The following C11orf21 variants were observed in gnomAD, a reference collection of about 807,000 sequenced individuals.
C11orf21 encodes the protein chromosome 11 open reading frame 21, also known as uncharacterized protein C11orf21.
A neutral mutation model predicts 15.2 loss-of-function variants in C11orf21; 19 were observed. The ratio of observed to expected loss-of-function variants is 1.25; its 90% CI spans 0.87 to 1.84. C11orf21 has a LOEUF of 1.84. Ranked by LOEUF, C11orf21 falls within the 40% of genes most tolerant of loss-of-function variation. The probability of loss-of-function intolerance (pLI) is 0.00; values close to 1 mark genes in which losing one functional copy is unlikely to be tolerated. For synonymous variants in C11orf21, 62 were observed against 66.8 expected, an observed-to-expected ratio of 0.93 and a Z score of 0.35; for missense variants, 171 against 174.4, an observed-to-expected ratio of 0.98 and a Z score of 0.11.
upstream of C11orf21, chr11:2,302,153 G>T (rs867708905): frequency 6.9e-7 from 1 of 1,450,938 alleles, no homozygotes; most frequent in Non-Finnish European, 9.1e-7. Flanking sequence ...AACCGTCATG[G>T]GGCCTTGGAG....
At chr11:2,298,144 C>T (rs144096070) in intron 3 of C11orf21, among the ~76,000 whole-genome samples, 9 of 152,300 alleles carry the variant, frequency 5.9e-5, no homozygotes, top group Non-Finnish European at 1.3e-4. Context: ...ACACTGAACC[C>T]GCCTCCTAAA....
Position 2,300,519 on chromosome 11 carries a change from C to G in C11orf21, c.147+1G>C, listed in dbSNP as rs1437135406. 6.5e-7 allele frequency: 1 copy of G among 1,546,318 alleles called. No homozygotes were observed. The highest frequency in any genetic ancestry group is 8.7e-7 in the Non-Finnish European group (1 of 1,144,978). On this transcript the variant is annotated splice_donor_variant, in intron 2 of 3. Coordinates refer to ENST00000381153, the MANE Select transcript of C11orf21 (RefSeq NM_001329958.2). LOFTEE classifies it high-confidence loss of function. ...CACAGTGAGGGGGGCTGTGGTCAGA[C>G]CTGGTCTCTGGAGGGCCAGCCGGGG...
chr11:2,302,166 G>C (rs148861275), upstream of C11orf21: 1 of 1,425,956 alleles, frequency 7.0e-7, no homozygotes. Flanking sequence ...CCTTGGAGTC[G>C]AGTCAGGGTT....
upstream of C11orf21, chr11:2,301,942 G>T: frequency 6.6e-7 from 1 of 1,513,176 alleles, no homozygotes; most frequent in Non-Finnish European, 8.8e-7. Flanking sequence ...TGAGGTGGTG[G>T]GGGGAGCCAA....
In C11orf21 at chr11:2,295,856, A is replaced by G. The variant is rs1447566408; in HGVS notation, c.*2094T>C. On this transcript the variant is annotated 3_prime_UTR_variant, in exon 4 of 4. Transcript: ENST00000381153. This position sits in a 1 kb window ranked among gnomAD's most constrained non-coding sequence, Gnocchi z 5.4. Reference sequence around the variant, plus strand: ...GAGAGATGCTATATGAGGACTCTCAAATATGCTCAATTTCTCTGTAAACAT... The same window carrying G: ...GAGAGATGCTATATGAGGACTCTCAGATATGCTCAATTTCTCTGTAAACAT... 1.3e-5 allele frequency: 2 copies of G among 152,132 alleles called. No individual in the cohort carries two copies. The highest frequency in any genetic ancestry group is 4.8e-5 in the African/African-American group (2 of 41,414). The allele number at this position is 152,132 out of a possible 1,614,324, so 9.4% of individuals were successfully genotyped here. A position where few individuals can be genotyped will look rare whatever the true frequency, so the allele number is the denominator to read the frequency against.
chr11:2,297,638 G>A lies in C11orf21; in HGVS notation c.*312C>T, dbSNP rs2074020. The A allele has an allele frequency of 0.44, 66,264 of 151,738 alleles. 15,074 individuals are homozygous for A. Among genetic ancestry groups the A allele is most frequent in the African/African-American group, 0.57 (23,340 of 41,276 alleles). 9.4% of individuals were successfully genotyped at this position (151,738 alleles called of 1,614,324 possible). A position where few individuals can be genotyped will look rare whatever the true frequency, so the allele number is the denominator to read the frequency against. ...CATATTTCACACGTTGCTGGGGGCAGTGTGTGTGACTCACTGCTTCCCAGA... is the reference window on the plus strand; with the variant it reads ...CATATTTCACACGTTGCTGGGGGCAATGTGTGTGACTCACTGCTTCCCAGA... On this transcript the variant is annotated 3_prime_UTR_variant, in exon 4 of 4. Coordinates refer to ENST00000381153, the MANE Select transcript of C11orf21 (RefSeq NM_001329958.2).
rs980912152 is a variant in C11orf21 at position 2,300,826 on chromosome 11, G to A, written c.54-213C>T. On this transcript the variant is annotated intron_variant, in intron 1 of 3. Transcript: ENST00000381153. The stretch of plus-strand genomic sequence containing the variant: ...TCATCTTCCCTGGAGAGGACGGGCT[G>A]CCCACTTGCACAGCCCGGGGGCCTC... 4 of 1,515,940 alleles carry A rather than the reference G, an allele frequency of 2.6e-6. No individual in the cohort carries two copies. In the African/African-American group the frequency reaches 4.1e-5, roughly 16 times the overall value. 93.9% of individuals were successfully genotyped at this position (1,515,940 alleles called of 1,614,324 possible).
upstream of C11orf21, chr11:2,302,889 G>A (rs1329881334): frequency 1.9e-6 from 3 of 1,613,632 alleles, no homozygotes; most frequent in East Asian, 2.2e-5. Context: ...TACCTACTTC[G>A]GGGCCCACTT....
rs1485853842 is a variant in C11orf21 at position 2,296,839 on chromosome 11, T to A, written c.*1111A>T. 6.6e-6 allele frequency: 1 copy of A among 152,226 alleles called. No individual in the cohort carries two copies. Among genetic ancestry groups the A allele is most frequent in the Non-Finnish European group, 1.5e-5 (1 of 68,096 alleles). 9.4% of individuals were successfully genotyped at this position (152,226 alleles called of 1,614,324 possible). ...GCCTCCTTAAAGACTGTGAGCGAGC[T>A]CCCAACTGGGACACCCCTGACCAGC... On this transcript the variant is annotated 3_prime_UTR_variant, in exon 4 of 4. Transcript: ENST00000381153. This position sits in a 1 kb window ranked among gnomAD's most constrained non-coding sequence, Gnocchi z 5.6.
Position 2,299,441 on chromosome 11 carries a change from A to G in C11orf21, c.*15T>C, listed in dbSNP as rs2133268462. 6.5e-7 allele frequency: 1 copy of G among 1,549,620 alleles called. No individual in the cohort carries two copies. The highest frequency in any genetic ancestry group is 2.4e-5 in the East Asian group (1 of 40,902). ...CCGGCTGCTCACCTCTGATGGACAG[A>G]AAAGGGTCCCTGTCTCAGGAAGGTA... is the stretch of plus-strand genomic sequence containing the variant. On this transcript the variant is annotated 3_prime_UTR_variant, in exon 3 of 4. Coordinates refer to ENST00000381153, the MANE Select transcript of C11orf21 (RefSeq NM_001329958.2).
intron 3 of C11orf21, among the ~76,000 whole-genome samples, chr11:2,298,396 C>G (rs1847580496): frequency 6.6e-6 from 1 of 152,206 alleles, no homozygotes; most frequent in Non-Finnish European, 1.5e-5. Flanking sequence ...ATGAAACAGT[C>G]TCTTCATCAA....
upstream of C11orf21, chr11:2,302,003 G>C: frequency 6.6e-7 from 1 of 1,505,926 alleles, no homozygotes; most frequent in Non-Finnish European, 8.8e-7. Context: ...GCACCCAGCA[G>C]CTCGGTCCTA....
intron 3 of C11orf21, among the ~76,000 whole-genome samples, chr11:2,298,506 G>C (rs141099350): frequency 1.9e-3 from 297 of 152,320 alleles, no homozygotes; most frequent in Non-Finnish European, 3.0e-3. Flanking sequence ...ATTAGGGGGA[G>C]GGTCCGATGT....
chr11:2,300,755 GGA>G (rs1311858807), intron 1 of C11orf21, 142 bp from the exon 2 acceptor site: 1 of 1,550,744 alleles, frequency 6.4e-7, no homozygotes, highest in Non-Finnish European at 8.7e-7. Context: ...GGTCAAGGTT[GGA>G]GAGAGACAAT....
upstream of C11orf21, chr11:2,302,755 G>T: frequency 9.5e-7 from 1 of 1,053,324 alleles, no homozygotes. Flanking sequence ...CGGGAAGCTG[G>T]AGAGAGCCCC....
rs1182145737 is a variant in C11orf21 at position 2,301,777 on chromosome 11, C to A, written c.32G>T (p.Arg11Ile). 2 of 1,550,148 alleles carry A rather than the reference C, an allele frequency of 1.3e-6. No homozygotes were observed. The highest frequency in any genetic ancestry group is 1.7e-6 in the Non-Finnish European group (2 of 1,146,830). The change falls in exon 1 of 4, where the codon AGA becomes ATA. Residue 11 changes from arginine (R) to isoleucine (I), a missense_variant. Transcript: ENST00000381153. MGRTWCGMWR[R>I]RRPGRRSAVP... ...TCACCTCCTCCTCCCCGGGCGCCGT[C>A]TCCTCCACATCCCACACCAGGTCCT...
rs531937077 is a variant in C11orf21, at chr11:2,295,709, T to C, written c.*2241A>G. 2.6e-5 allele frequency: 4 copies of C among 152,312 alleles called. No individual in the cohort carries two copies. The East Asian group carries it at 7.7e-4, about 29-fold the overall frequency. 9.4% of individuals were successfully genotyped at this position (152,312 alleles called of 1,614,324 possible). A position where few individuals can be genotyped will look rare whatever the true frequency, so the allele number is the denominator to read the frequency against. On this transcript the variant is annotated 3_prime_UTR_variant, in exon 4 of 4. Transcript: ENST00000381153. The surrounding 1 kb of genome is among the most constrained non-coding windows in gnomAD (Gnocchi z 5.4). ...CACATTTGCCCGAACTCACAGCATG[T>C]ACAACAAGAAGAGTGAACCCTCATG...
intron 3 of C11orf21, among the ~76,000 whole-genome samples, chr11:2,299,081 C>A (rs1847606204): frequency 6.6e-6 from 1 of 152,072 alleles, no homozygotes; most frequent in Non-Finnish European, 1.5e-5. Context: ...GCCAGGGTGC[C>A]TCCAGGGGAA....
upstream of C11orf21, chr11:2,302,131 G>C (rs2133277897): frequency 7.4e-6 from 11 of 1,478,618 alleles, no homozygotes; most frequent in Non-Finnish European, 9.9e-6. Context: ...GGGGAGGAGA[G>C]GAGAGGAGAG....
Sources: gnomAD v4.1 joint callset for allele counts (sites outside exome capture counted in the v4.1 genomes callset) on GRCh38, gnomAD v4.1.1 for gene constraint, Gnocchi (gnomAD v3.1) non-coding constraint, MANE v1.5 for transcripts, NCBI Gene and HGNC (gene_info 2026-07-23, HGNC 2026-07-21) for gene names.